The following USH2A variants were observed in gnomAD, a reference collection of about 807,000 sequenced individuals.
USH2A encodes Usher syndrome 2A (autosomal recessive, mild).
Under a neutral mutation model 538.9 loss-of-function variants are expected in USH2A, and 443 were observed. That is an observed-to-expected ratio of 0.82 (90% CI 0.76 to 0.89). USH2A has a LOEUF of 0.89. Ranked by LOEUF, USH2A falls within the 40% of genes least tolerant of loss-of-function variation. The pLI is 0.00. For missense variants in USH2A, 6,633 were observed against 6,324.8 expected (o/e 1.05, Z -1.65); for synonymous variants, 2,413 against 2,273.5 (o/e 1.06, Z -1.75).
chr1:216,174,680 T>C, intron 21 of USH2A: 1 of 986,714 alleles, frequency 1.0e-6, no homozygotes, highest in East Asian at 1.1e-4. Context: ...AGAAGTTATC[T>C]TTTCCCTGGG....
At chr1:216,269,344 C>T (rs900658681) in intron 11 of USH2A, among the ~76,000 whole-genome samples, 4 of 152,070 alleles carry the variant, frequency 2.6e-5, no homozygotes, top group African/African-American at 9.7e-5. Flanking sequence ...GCCACCCATA[C>T]AAGATGTGAC....
chr1:215,924,104 T>C (rs1368264292), intron 38 of USH2A, among the ~76,000 whole-genome samples: 2 of 152,054 alleles, frequency 1.3e-5, no homozygotes, highest in Non-Finnish European at 2.9e-5. Context: ...TGAAAGATAG[T>C]ATACATTTGA....
intron 4 of USH2A, among the ~76,000 whole-genome samples, chr1:216,352,155 T>C (rs1341600326): frequency 6.6e-6 from 1 of 152,050 alleles, no homozygotes; most frequent in Non-Finnish European, 1.5e-5. Context: ...GTCACTTAGA[T>C]GACATTTAAA....
intron 21 of USH2A, among the ~76,000 whole-genome samples, chr1:216,123,226 G>C (rs1411334243): frequency 6.6e-6 from 1 of 152,158 alleles, no homozygotes; most frequent in Non-Finnish European, 1.5e-5. Flanking sequence ...GTTTTGTTAA[G>C]CACAGGGACT....
chr1:216,292,310 C>G lies in USH2A; in HGVS notation c.1705G>C (p.Ala569Pro). 1 of 1,613,958 alleles carries G rather than the reference C, an allele frequency of 6.2e-7. No homozygotes were observed. The highest frequency in any genetic ancestry group is 8.5e-7 in the Non-Finnish European group (1 of 1,179,936). Residue 569 changes from alanine (A) to proline (P), a missense_variant, in exon 10 of 72, where the codon GCT (alanine) becomes CCT (proline). Physicochemically the swap from Ala to Pro is conservative, Grantham distance 27. Transcript: ENST00000307340. ...KPFRQGDQVY[A>P]FNCKPCQCNS... ...CATTGACAAGGTTTACAATTGAAAG[C>G]GTAAACTTGATCACCTTGGCGGAAA...
chr1:215,682,483 C>T, intron 61 of USH2A, among the ~76,000 whole-genome samples: 1 of 152,248 alleles, frequency 6.6e-6, no homozygotes, highest in East Asian at 1.9e-4. Flanking sequence ...AACTGGCATT[C>T]AGTCATCCAA....
At chr1:216,267,103 T>C (rs1375246581) in intron 11 of USH2A, among the ~76,000 whole-genome samples, 1 of 151,788 alleles carries the variant, frequency 6.6e-6, no homozygotes, top group Non-Finnish European at 1.5e-5. Context: ...ACTCCAACAA[T>C]AAGTGTTCAA....
At chr1:216,235,159 C>A (rs1443530405) in intron 13 of USH2A, among the ~76,000 whole-genome samples, 1 of 152,192 alleles carries the variant, frequency 6.6e-6, no homozygotes, top group Non-Finnish European at 1.5e-5. Flanking sequence ...AGAAAACAAT[C>A]TTTTCCCTTC....
intron 21 of USH2A, among the ~76,000 whole-genome samples, chr1:216,126,901 T>C (rs911898725): frequency 1.3e-5 from 2 of 152,212 alleles, no homozygotes; most frequent in Non-Finnish European, 2.9e-5. Context: ...TTCATGATAA[T>C]GTGGTTAGCT....
At chr1:216,097,779 T>C (rs180740645) in intron 21 of USH2A, among the ~76,000 whole-genome samples, 92 of 152,296 alleles carry the variant, frequency 6.0e-4, no homozygotes, top group Admixed American at 2.4e-3. Flanking sequence ...CTGCATATCA[T>C]AGGATATACA....
Position 216,003,131 on chromosome 1 carries a change from G to A in USH2A, c.6326-2569C>T, listed in dbSNP as rs573047694. On this transcript the variant is annotated intron_variant, in intron 32 of 71. Coordinates refer to ENST00000307340, the MANE Select transcript of USH2A (RefSeq NM_206933.4). ...AACAACTGGGACTGGGGCAGGGGGC[G>A]GTCAGGATGGGAAGTGAGTATACTT... Among the ~76,000 whole-genome samples, 4 of 152,150 alleles carry A rather than the reference G, an allele frequency of 2.6e-5. No individual in the cohort carries two copies. The East Asian group carries it at 7.8e-4, about 30-fold the overall frequency.
intron 21 of USH2A, among the ~76,000 whole-genome samples, chr1:216,147,428 T>C (rs1390212337): frequency 2.0e-5 from 3 of 152,170 alleles, no homozygotes; most frequent in African/African-American, 7.2e-5. Context: ...TGCTCCTTTT[T>C]CTTTATCCCA....
chr1:216,028,120 G>A (rs1278716964), intron 32 of USH2A, among the ~76,000 whole-genome samples: 1 of 152,142 alleles, frequency 6.6e-6, no homozygotes, highest in Non-Finnish European at 1.5e-5. Context: ...GGGTGCAGTG[G>A]CTCATGCCTG....
chr1:215,834,534 A>G (rs1056210546), intron 47 of USH2A, among the ~76,000 whole-genome samples: 1 of 152,160 alleles, frequency 6.6e-6, no homozygotes, highest in East Asian at 1.9e-4. Flanking sequence ...AGTTTTAGGA[A>G]GGGTAGAAGA....
chr1:215,849,533 T>G (rs895604086), intron 44 of USH2A, among the ~76,000 whole-genome samples: 1 of 152,286 alleles, frequency 6.6e-6, no homozygotes, highest in Admixed American at 6.5e-5. Context: ...AGAAAAAGTC[T>G]AATTACCTTA....
chr1:215,980,660 C>T (rs939588942), intron 35 of USH2A, among the ~76,000 whole-genome samples: 18 of 152,162 alleles, frequency 1.2e-4, no homozygotes, highest in African/African-American at 4.3e-4. Flanking sequence ...CATCCCTTAA[C>T]AACATAATTA....
At chr1:216,011,869 T>C (rs1264220121) in intron 32 of USH2A, among the ~76,000 whole-genome samples, 3 of 151,762 alleles carry the variant, frequency 2.0e-5, no homozygotes, top group African/African-American at 7.3e-5. Context: ...TTATTCCTGA[T>C]ACCACACCTG....
At chr1:215,673,054 A>G (rs959520775) in intron 63 of USH2A, among the ~76,000 whole-genome samples, 2 of 152,218 alleles carry the variant, frequency 1.3e-5, no homozygotes, top group African/African-American at 4.8e-5. Context: ...CTGCAGCTAC[A>G]GTGGACCTTT....
intron 11 of USH2A, among the ~76,000 whole-genome samples, chr1:216,253,788 C>T (rs368748972): frequency 3.9e-5 from 6 of 152,094 alleles, no homozygotes; most frequent in African/African-American, 4.8e-5. Flanking sequence ...ATTAAAGATT[C>T]GGGGTAAAAG....
Sources: allele counts gnomAD v4.1 joint callset (sites outside exome capture counted in the v4.1 genomes callset), GRCh38; gene constraint gnomAD v4.1.1; transcripts MANE v1.5; gene names NCBI Gene and HGNC (gene_info 2026-07-23, HGNC 2026-07-21).